The following PARVB variants were observed in gnomAD, a reference collection of about 807,000 sequenced individuals.
PARVB encodes parvin beta.
Under a neutral mutation model 47.0 loss-of-function variants are expected in PARVB, and 46 were observed. That is an observed-to-expected ratio of 0.98 (90% CI 0.77 to 1.25). The LOEUF (loss-of-function observed/expected upper bound fraction) is 1.25, where lower values mean the gene tolerates loss of function less well. PARVB is among the 50% of genes most tolerant of loss of function. PARVB has a pLI of 0.00. For synonymous variants in PARVB, 196 were observed against 196.3 expected, an observed-to-expected ratio of 1.00 and a Z score of 0.01; for missense variants, 473 against 471.6, an observed-to-expected ratio of 1.00 and a Z score of -0.03.
At chr22:44,122,991 G>A (rs1375947976) in intron 4 of PARVB, among the ~76,000 whole-genome samples, 1 of 152,182 alleles carries the variant, frequency 6.6e-6, no homozygotes, top group Non-Finnish European at 1.5e-5. Context: ...AACTAGAATT[G>A]TTGACCTCAA....
At chr22:44,028,309 TTTG>T (rs1280322609) in intron 1 of PARVB, among the ~76,000 whole-genome samples, 1 of 128,726 alleles carries the variant, frequency 7.8e-6, no homozygotes, top group Non-Finnish European at 1.7e-5. Context: ...GGATCATTTT[TTTG>T]TTTTGTTTTT....
At chr22:44,033,853 G>A (rs371447407) in intron 1 of PARVB, among the ~76,000 whole-genome samples, 124 of 152,216 alleles carry the variant, frequency 8.1e-4, no homozygotes, top group African/African-American at 2.5e-3. Context: ...AAATCCAGAC[G>A]CTCCTGGAAG....
chr22:44,096,217 C>T (rs1033363173), intron 2 of PARVB, among the ~76,000 whole-genome samples: 5 of 152,158 alleles, frequency 3.3e-5, no homozygotes, highest in African/African-American at 4.8e-5. Flanking sequence ...AAGAATGAAA[C>T]TCCATCTCAT....
chr22:44,153,030 C>T (rs2053843660), intron 10 of PARVB: 1 of 152,240 alleles, frequency 6.6e-6, no homozygotes, highest in East Asian at 1.9e-4. Flanking sequence ...TTTCTCTACA[C>T]ATATAGCGAG....
intron 1 of PARVB, among the ~76,000 whole-genome samples, chr22:44,070,823 G>C (rs2051638557): frequency 6.6e-6 from 1 of 152,178 alleles, no homozygotes; most frequent in African/African-American, 2.4e-5. Context: ...TGGGACCTGT[G>C]CGGGACTTTG....
intron 2 of PARVB, among the ~76,000 whole-genome samples, chr22:44,098,698 T>TA (rs1180358910): frequency 6.6e-6 from 1 of 152,188 alleles, no homozygotes; most frequent in African/African-American, 2.4e-5. Flanking sequence ...ATCAGATCTG[T>TA]ATGACTTCAA....
At chr22:44,006,654 G>A (rs1456194781) in intron 2 of PARVB, among the ~76,000 whole-genome samples, 1 of 152,132 alleles carries the variant, frequency 6.6e-6, no homozygotes, top group Non-Finnish European at 1.5e-5. Flanking sequence ...GAAATGCAGA[G>A]TTCCAGGCCC....
chr22:44,037,401 T>G (rs1371053586), intron 1 of PARVB, among the ~76,000 whole-genome samples: 1 of 152,162 alleles, frequency 6.6e-6, no homozygotes, highest in Non-Finnish European at 1.5e-5. Flanking sequence ...CCAGCCTGGA[T>G]GACAGACTGA....
intron 3 of PARVB, among the ~76,000 whole-genome samples, chr22:44,100,904 T>C (rs1346932316): frequency 1.3e-5 from 2 of 152,086 alleles, no homozygotes; most frequent in African/African-American, 4.8e-5. Context: ...TTGGCTTCCA[T>C]AGCCCACGGC....
chr22:44,133,086 C>A, intron 6 of PARVB, 77 bp downstream of exon 6: 1 of 921,874 alleles, frequency 1.1e-6, no homozygotes, highest in Non-Finnish European at 1.7e-6. Flanking sequence ...TTTTCCTGCC[C>A]TCCCCCTCCT....
chr22:44,060,636 C>G (rs981878346), intron 1 of PARVB, among the ~76,000 whole-genome samples: 3 of 151,922 alleles, frequency 2.0e-5, no homozygotes, highest in African/African-American at 7.3e-5. Flanking sequence ...AGGTGGAATA[C>G]ACCCGGGTTC....
chr22:44,118,067 G>A (rs1214022351), intron 3 of PARVB, among the ~76,000 whole-genome samples: 1 of 152,074 alleles, frequency 6.6e-6, no homozygotes, highest in Non-Finnish European at 1.5e-5. Context: ...AGGCTGGCCT[G>A]GAAAAATGAA....
At chr22:44,076,263 GA>G (rs1455031678) in intron 1 of PARVB, among the ~76,000 whole-genome samples, 1 of 152,234 alleles carries the variant, frequency 6.6e-6, no homozygotes, top group African/African-American at 2.4e-5. Flanking sequence ...TGATTTGGGG[GA>G]TGCCTGTCCT....
chr22:44,069,325 T>C (rs1224272359), intron 1 of PARVB, among the ~76,000 whole-genome samples: 1 of 152,114 alleles, frequency 6.6e-6, no homozygotes, highest in Non-Finnish European at 1.5e-5. Context: ...GTTAGGACGA[T>C]GGGCAAGGGG....
At position 44,171,511 on chromosome 22, in the gene PARVB, G is replaced by GAA. The variant is rs2054269124; in HGVS notation, c.*2838_*2839dup. The GAA allele has an allele frequency of 1.4e-5, 2 of 147,660 alleles. No individual in the cohort carries two copies. 9.1% of individuals were successfully genotyped at this position (147,660 alleles called of 1,614,324 possible). A position where few individuals can be genotyped will look rare whatever the true frequency, so the allele number is the denominator to read the frequency against. Reference sequence around the variant, plus strand: ...CTCTGTCTCAAAAAAAAAAAAGAAAGAAAAAAGAAAAAGAAAAGAACAGAG... The same window carrying GAA: ...CTCTGTCTCAAAAAAAAAAAAGAAAGAAAAAAAAGAAAAAGAAAAGAACAGAG... On this transcript the variant is annotated 3_prime_UTR_variant, in exon 13 of 13. Coordinates refer to ENST00000338758, the MANE Select transcript of PARVB (RefSeq NM_013327.5).
intron 1 of PARVB, among the ~76,000 whole-genome samples, chr22:44,066,804 C>CCTCCTTCTT (rs745683370): frequency 3.1e-5 from 4 of 131,086 alleles, no homozygotes; most frequent in Admixed American, 2.3e-4. Context: ...TCCTCCTCCT[C>CCTCCTTCTT]CTCCTCCTCC....
intron 1 of PARVB, among the ~76,000 whole-genome samples, chr22:44,027,913 C>CCA (rs1555893484): frequency 1.6e-5 from 1 of 62,352 alleles, no homozygotes; most frequent in East Asian, 8.9e-4. Flanking sequence ...GAAAAAAAAA[C>CCA]CATATATATA....
At chr22:44,043,612 C>T (rs747639131) in intron 1 of PARVB, among the ~76,000 whole-genome samples, 3 of 152,146 alleles carry the variant, frequency 2.0e-5, no homozygotes, top group Non-Finnish European at 2.9e-5. Flanking sequence ...CTCCTGACCC[C>T]GTGATCCGTC....
intron 1 of PARVB, chr22:44,039,696 A>G (rs2050983689): frequency 2.9e-6 from 1 of 346,876 alleles, no homozygotes; most frequent in African/African-American, 2.2e-5. Flanking sequence ...ACAGGACGGA[A>G]TGATCCTGGG....
Sources: allele counts gnomAD v4.1 joint callset (sites outside exome capture counted in the v4.1 genomes callset), GRCh38; gene constraint gnomAD v4.1.1; transcripts MANE v1.5; gene names NCBI Gene and HGNC (gene_info 2026-07-23, HGNC 2026-07-21).